TBC1D5: variants seen among roughly 807,000 people sequenced by gnomAD.
TBC1D5 encodes the protein TBC1 domain family member 5, also known as TBC1 domain family, member 5.
TBC1D5 carries 75 observed loss-of-function variants against 100.3 expected under a neutral mutation model. The ratio of observed to expected loss-of-function variants is 0.75; its 90% confidence interval spans 0.62 to 0.91. TBC1D5 has a LOEUF of 0.91. TBC1D5 is among the 40% of genes least tolerant of loss of function. The pLI is 0.00. For synonymous variants in TBC1D5, 323 were observed against 325.6 expected, an observed-to-expected ratio of 0.99 and a Z score of 0.09; for missense variants, 910 against 942.4, an observed-to-expected ratio of 0.97 and a Z score of 0.45.
At chr3:17,435,042 C>G (rs1440084522) in intron 3 of TBC1D5, among the ~76,000 whole-genome samples, 1 of 152,226 alleles carries the variant, frequency 6.6e-6, no homozygotes, top group Non-Finnish European at 1.5e-5. Flanking sequence ...TCATTTCCAT[C>G]TGAGACAACC....
intron 1 of TBC1D5, among the ~76,000 whole-genome samples, chr3:17,661,982 C>A (rs567120548): frequency 1.1e-4 from 17 of 152,160 alleles, no homozygotes; most frequent in African/African-American, 4.1e-4. Flanking sequence ...CCTCAAACTC[C>A]CGGGTTCAAG....
At chr3:17,227,146 T>C (rs2074978294) in intron 17 of TBC1D5, among the ~76,000 whole-genome samples, 1 of 152,126 alleles carries the variant, frequency 6.6e-6, no homozygotes, top group Admixed American at 6.5e-5. Flanking sequence ...AACAGCACTT[T>C]GTGTGCGCAA....
Position 17,358,174 on chromosome 3 carries a change from T to TG in TBC1D5, c.995+13900_995+13901insC, listed in dbSNP as rs1553703643. Among the ~76,000 whole-genome samples, 172 of 150,776 alleles carry TG rather than the reference T, an allele frequency of 1.1e-3. 1 individual carries two copies. Among genetic ancestry groups the TG allele is most frequent in the African/African-American group, 4.0e-3 (161 of 40,402 alleles). The stretch of plus-strand genomic sequence containing the variant: ...ATACTGTCCACAATGTTCACTTTTT[T>TG]TTTGTTTGTTTGTTTTTGTTTTTGT... On this transcript the variant is annotated intron_variant, in intron 13 of 21. Coordinates refer to ENST00000253692, the Ensembl canonical transcript of TBC1D5.
intron 2 of TBC1D5, among the ~76,000 whole-genome samples, chr3:17,551,358 T>C (rs562757430): frequency 7.9e-5 from 12 of 152,280 alleles, no homozygotes; most frequent in Admixed American, 5.2e-4. Context: ...AAGGTGTATG[T>C]CTGCTGGCTA....
At chr3:17,662,087 G>A (rs543202370) in intron 1 of TBC1D5, among the ~76,000 whole-genome samples, 3 of 152,086 alleles carry the variant, frequency 2.0e-5, no homozygotes, top group East Asian at 1.9e-4. Flanking sequence ...ACAGGGTCTC[G>A]CTACGTTGCC....
At chr3:17,612,366 T>C (rs553237044) in intron 2 of TBC1D5, among the ~76,000 whole-genome samples, 68 of 148,974 alleles carry the variant, frequency 4.6e-4, no homozygotes, top group Non-Finnish European at 9.1e-4. Context: ...CGGTGGCTCA[T>C]ACCTGTAACC....
chr3:17,376,585 A>C, exon 10 of TBC1D5: 1 of 1,613,136 alleles, frequency 6.2e-7, no homozygotes, highest in South Asian at 1.1e-5. Context: ...AAGGACAAAG[A>C]CTATAGGTGC....
At chr3:17,346,300 T>C (rs1473620069) in intron 13 of TBC1D5, among the ~76,000 whole-genome samples, 1 of 152,178 alleles carries the variant, frequency 6.6e-6, no homozygotes, top group Non-Finnish European at 1.5e-5. Context: ...TTTGCTAACC[T>C]AATAAGCAAA....
chr3:17,313,413 GA>G (rs1442049500), intron 13 of TBC1D5, among the ~76,000 whole-genome samples: 3 of 152,110 alleles, frequency 2.0e-5, no homozygotes, highest in African/African-American at 7.2e-5. Context: ...TTTACTTCTA[GA>G]AAGTCTGTAA....
chr3:17,530,742 A>G (rs1013536602), intron 2 of TBC1D5, among the ~76,000 whole-genome samples: 1 of 152,240 alleles, frequency 6.6e-6, no homozygotes, highest in Non-Finnish European at 1.5e-5. Context: ...CCACACGATT[A>G]TCTCAATAGA....
chr3:17,253,945 T>C (rs1374468688), intron 16 of TBC1D5, among the ~76,000 whole-genome samples: 1 of 152,204 alleles, frequency 6.6e-6, no homozygotes, highest in Non-Finnish European at 1.5e-5. Context: ...ATATGCAGGT[T>C]CCTATATGAG....
intron 3 of TBC1D5, among the ~76,000 whole-genome samples, chr3:17,437,601 GGAGA>G (rs1425122074): frequency 1.3e-4 from 17 of 131,134 alleles, no homozygotes; most frequent in South Asian, 2.7e-4. Context: ...TGGAAAGAGG[GGAGA>G]GAGACAGAGA....
intron 1 of TBC1D5, among the ~76,000 whole-genome samples, chr3:17,642,754 G>C (rs1307313017): frequency 6.6e-6 from 1 of 152,078 alleles, no homozygotes; most frequent in African/African-American, 2.4e-5. Flanking sequence ...CTAAAACTAA[G>C]ACATTTCATT....
intron 1 of TBC1D5, among the ~76,000 whole-genome samples, chr3:17,650,839 G>A (rs553949565): frequency 4.2e-4 from 64 of 152,268 alleles, no homozygotes; most frequent in African/African-American, 1.5e-3. Context: ...GGGTACAGTA[G>A]CTCTGATTAT....
At chr3:17,724,965 C>T (rs1020473323) in intron 1 of TBC1D5, among the ~76,000 whole-genome samples, 2 of 152,058 alleles carry the variant, frequency 1.3e-5, no homozygotes, top group Non-Finnish European at 2.9e-5. Context: ...CTGCATTTTT[C>T]ACTTGTAGAG....
intron 2 of TBC1D5, among the ~76,000 whole-genome samples, chr3:17,592,937 G>A (rs1263107460): frequency 1.3e-5 from 2 of 152,154 alleles, no homozygotes; most frequent in African/African-American, 4.8e-5. Context: ...CATGCTACCT[G>A]AACTGCCTAT....
intron 2 of TBC1D5, among the ~76,000 whole-genome samples, chr3:17,599,590 T>C (rs2060797659): frequency 6.6e-6 from 1 of 152,102 alleles, no homozygotes; most frequent in Non-Finnish European, 1.5e-5. Context: ...AGGCAGTGTA[T>C]AAAATGCTGC....
chr3:17,386,208 A>G (rs1350298639), intron 8 of TBC1D5, among the ~76,000 whole-genome samples: 9 of 152,082 alleles, frequency 5.9e-5, no homozygotes, highest in Non-Finnish European at 1.2e-4. Flanking sequence ...AGTAGGCTTC[A>G]TTCCCAAAAA....
chr3:17,163,475 G>C (rs569586486), intron 21 of TBC1D5, among the ~76,000 whole-genome samples: 1 of 152,074 alleles, frequency 6.6e-6, no homozygotes, highest in Non-Finnish European at 1.5e-5. Context: ...CAGAAGTTTT[G>C]TAAATCCCTA....
Sources: allele counts gnomAD v4.1 joint callset (sites outside exome capture counted in the v4.1 genomes callset), GRCh38; gene constraint gnomAD v4.1.1; transcripts MANE v1.5; gene names NCBI Gene and HGNC (gene_info 2026-07-23, HGNC 2026-07-21).